Variants in PDE3A observed in about 807,000 individuals in gnomAD.
PDE3A encodes phosphodiesterase 3A.
PDE3A carries 43 observed loss-of-function variants against 98.3 expected under a neutral mutation model. The observed-to-expected ratio is 0.44, with a 90% CI of 0.34 to 0.56. PDE3A has a LOEUF of 0.56. Ranked by LOEUF, PDE3A falls within the 20% of genes least tolerant of loss-of-function variation. PDE3A has a pLI of 0.01. For missense variants in PDE3A, 1,427 were observed against 1,440.7 expected, an observed-to-expected ratio of 0.99 and a Z score of 0.15; for synonymous variants, 663 against 567.9, an observed-to-expected ratio of 1.17 and a Z score of -2.38.
chr12:20,546,169 T>C (rs1283038659), intron 1 of PDE3A, among the ~76,000 whole-genome samples: 1 of 152,042 alleles, frequency 6.6e-6, no homozygotes, highest in Non-Finnish European at 1.5e-5. Context: ...CAGCACCACC[T>C]GTATTAGGTC....
At chr12:20,492,225 C>T (rs1376399271) in intron 1 of PDE3A, among the ~76,000 whole-genome samples, 1 of 152,120 alleles carries the variant, frequency 6.6e-6, no homozygotes, top group Non-Finnish European at 1.5e-5. Flanking sequence ...AAGTGATCCT[C>T]CTCCCACCTC....
chr12:20,646,462 G>T (rs767547926), intron 10 of PDE3A, 28 bp from the exon 11 acceptor site: 1 of 1,225,422 alleles, frequency 8.2e-7, no homozygotes, highest in South Asian at 1.2e-5. Flanking sequence ...TTCATAAACT[G>T]ATGACTGTTC....
chr12:20,387,706 C>T (rs965583396), intron 1 of PDE3A, among the ~76,000 whole-genome samples: 1 of 152,014 alleles, frequency 6.6e-6, no homozygotes, highest in Non-Finnish European at 1.5e-5. Flanking sequence ...TAGCTGATTG[C>T]TCTGTAAGTT....
At chr12:20,559,406 G>T (rs1942455740) in intron 2 of PDE3A, among the ~76,000 whole-genome samples, 1 of 151,704 alleles carries the variant, frequency 6.6e-6, no homozygotes, top group African/African-American at 2.4e-5. Context: ...GGGAGGCCGA[G>T]GCAGGCAGAT....
intron 6 of PDE3A, 33 bp from the exon 7 acceptor site, chr12:20,633,660 G>A (rs1229583454): frequency 7.6e-7 from 1 of 1,321,136 alleles, no homozygotes; most frequent in South Asian, 1.3e-5. Context: ...GAAAAGAGGA[G>A]GCTACACCTA....
chr12:20,665,002 C>A (rs74066258), intron 15 of PDE3A, among the ~76,000 whole-genome samples: 6,800 of 152,210 alleles, frequency 0.045, 267 homozygotes, highest in African/African-American at 0.1. Context: ...TTCTCCCATA[C>A]AAATATATCT....
intron 1 of PDE3A, among the ~76,000 whole-genome samples, chr12:20,466,011 A>C (rs1323872957): frequency 6.6e-6 from 1 of 152,188 alleles, no homozygotes; most frequent in Non-Finnish European, 1.5e-5. Context: ...GTGAAGAGCC[A>C]ATGAACTAAG....
Position 20,687,935 on chromosome 12 carries a change from A to AAAAAAT in PDE3A, c.*7666_*7667insAAATAA. Among the ~76,000 whole-genome samples, 1 of 151,120 alleles carries AAAAAAT rather than the reference A, an allele frequency of 6.6e-6. No individual in the cohort carries two copies. Among genetic ancestry groups the AAAAAAT allele is most frequent in the Non-Finnish European group, 1.5e-5 (1 of 67,674 alleles). On this transcript the variant is annotated 3_prime_UTR_variant, in exon 16 of 16. Transcript: ENST00000359062. ...AACAGAAAAAAAAAAAAAAAAAAAA[A>AAAAAAT]AACTGGCATTGGCAAGTTTTAATTA... is the stretch of plus-strand genomic sequence containing the variant.
In PDE3A at chr12:20,615,016, CTTTTT is replaced by C. The variant is rs11313010; in HGVS notation, c.1270-1195_1270-1191del. ...TCTTTTTTTCTTTCTTTCTCTCTTTCTTTTTTTTTTTTTTTTTTTTTTTGAGACGG... is the reference window on the plus strand; with the variant it reads ...TCTTTTTTTCTTTCTTTCTCTCTTTCTTTTTTTTTTTTTTTTTTGAGACGG... On this transcript the variant is annotated intron_variant, in intron 3 of 15. Coordinates refer to ENST00000359062, the MANE Select transcript of PDE3A (RefSeq NM_000921.5). Among the ~76,000 whole-genome samples the C allele has an allele frequency of 3.6e-4, 21 of 59,106 alleles. No individual in the cohort carries two copies. The East Asian group carries it at 7.2e-3, about 20-fold the overall frequency. 38.8% of individuals were successfully genotyped at this position (59,106 alleles called of 152,430 possible). A position where few individuals can be genotyped will look rare whatever the true frequency, so the allele number is the denominator to read the frequency against.
At chr12:20,621,260 A>T in intron 4 of PDE3A, 36 bp from the exon 5 acceptor site, 1 of 1,179,920 alleles carries the variant, frequency 8.5e-7, no homozygotes, top group Non-Finnish European at 1.3e-6. Flanking sequence ...TAATTTGTTT[A>T]ATTTTCTTTT....
At chr12:20,654,796 G>A (rs1945005368) in intron 15 of PDE3A, among the ~76,000 whole-genome samples, 1 of 151,668 alleles carries the variant, frequency 6.6e-6, no homozygotes, top group Non-Finnish European at 1.5e-5. Context: ...ACAGGCGTGA[G>A]CCACCGCGCC....
chr12:20,511,682 T>C (rs1012152789), intron 1 of PDE3A, among the ~76,000 whole-genome samples: 2 of 152,118 alleles, frequency 1.3e-5, no homozygotes, highest in South Asian at 4.1e-4. Context: ...CTTAAGGATG[T>C]ATAGTGTAAC....
At chr12:20,660,950 G>A (rs1245951658) in intron 15 of PDE3A, among the ~76,000 whole-genome samples, 1 of 152,136 alleles carries the variant, frequency 6.6e-6, no homozygotes, top group Non-Finnish European at 1.5e-5. Context: ...GGAAGAGGTT[G>A]GAACAGTTTG....
chr12:20,491,190 G>A (rs765002429), intron 1 of PDE3A, among the ~76,000 whole-genome samples: 1 of 152,220 alleles, frequency 6.6e-6, no homozygotes, highest in Non-Finnish European at 1.5e-5. Flanking sequence ...TGCCGATTCA[G>A]TGCCACAAAA....
At chr12:20,633,293 G>C (rs1440038864) in intron 6 of PDE3A, among the ~76,000 whole-genome samples, 1 of 152,156 alleles carries the variant, frequency 6.6e-6, no homozygotes, top group Admixed American at 6.5e-5. Context: ...CCGACAGAAA[G>C]GTATTTATTG....
chr12:20,657,878 C>T (rs1046521795), intron 15 of PDE3A, among the ~76,000 whole-genome samples: 1 of 152,166 alleles, frequency 6.6e-6, no homozygotes, highest in Admixed American at 6.5e-5. Flanking sequence ...TAGCTTCTTC[C>T]CTATGAATGC....
intron 1 of PDE3A, among the ~76,000 whole-genome samples, chr12:20,519,061 A>C (rs1946375260): frequency 6.6e-6 from 1 of 152,180 alleles, no homozygotes; most frequent in African/African-American, 2.4e-5. Flanking sequence ...AGCAGTTGGC[A>C]TTTTTATGAG....
intron 1 of PDE3A, among the ~76,000 whole-genome samples, chr12:20,387,078 G>A (rs572470799): frequency 3.3e-5 from 5 of 151,992 alleles, no homozygotes; most frequent in Non-Finnish European, 7.4e-5. Flanking sequence ...AGATCAGATG[G>A]TTGTAGATGT....
intron 1 of PDE3A, among the ~76,000 whole-genome samples, chr12:20,465,394 T>A (rs1393206564): frequency 6.6e-6 from 1 of 152,082 alleles, no homozygotes; most frequent in East Asian, 1.9e-4. Context: ...TTTTTAAAAA[T>A]TTATTTATTT....
Sources: gnomAD v4.1 joint callset for allele counts (sites outside exome capture counted in the v4.1 genomes callset) on GRCh38, gnomAD v4.1.1 for gene constraint, MANE v1.5 for transcripts, NCBI Gene and HGNC (gene_info 2026-07-23, HGNC 2026-07-21) for gene names.